CA10: variants seen among roughly 807,000 people sequenced by gnomAD.
CA10 encodes the protein carbonic anhydrase-related protein 10.
In CA10, 14 loss-of-function variants were observed where a neutral mutation model predicts 44.2. That is an observed-to-expected ratio of 0.32 (90% CI 0.21 to 0.50). CA10 has a LOEUF of 0.50. Ranked by LOEUF, CA10 falls within the 20% of genes least tolerant of loss-of-function variation. The probability of loss-of-function intolerance (pLI) is 0.99; values close to 1 mark genes in which losing one functional copy is unlikely to be tolerated. For synonymous variants in CA10, 159 were observed against 141.6 expected, an observed-to-expected ratio of 1.12 and a Z score of -0.87; for missense variants, 350 against 409.7, an observed-to-expected ratio of 0.85 and a Z score of 1.26.
intron 2 of CA10, among the ~76,000 whole-genome samples, chr17:52,033,460 A>G (rs1986526542): frequency 6.6e-6 from 1 of 152,178 alleles, no homozygotes; most frequent in Non-Finnish European, 1.5e-5. Flanking sequence ...AGAATAAAAA[A>G]GAACATTCAT....
intron 2 of CA10, among the ~76,000 whole-genome samples, chr17:51,980,296 T>C (rs1297859190): frequency 6.6e-6 from 1 of 152,198 alleles, no homozygotes; most frequent in Non-Finnish European, 1.5e-5. Context: ...GTTGATCTTT[T>C]ATTCACATGA....
In CA10 at chr17:52,023,847, G is replaced by A. The variant is rs75290742; in HGVS notation, c.136+48472C>T. 2.3e-3 allele frequency among the ~76,000 whole-genome samples: 344 copies of A among 152,116 alleles called. 13 individuals carry two copies. In the East Asian group the frequency reaches 0.058, roughly 26 times the overall value. Reference sequence around the variant, plus strand: ...GTGTTGAATGAAGTCTGCATTTTATGTCTTTTTCTTTAAAGGTTAAATGTC... The same window carrying A: ...GTGTTGAATGAAGTCTGCATTTTATATCTTTTTCTTTAAAGGTTAAATGTC... On this transcript the variant is annotated intron_variant, in intron 2 of 8. Transcript: ENST00000451037.
intron 2 of CA10, among the ~76,000 whole-genome samples, chr17:52,063,429 A>G (rs1409559959): frequency 6.6e-6 from 1 of 152,192 alleles, no homozygotes; most frequent in Non-Finnish European, 1.5e-5. Context: ...CAGTTTGAAT[A>G]TCTGACCCTT....
At chr17:52,118,540 T>C (rs543897808) in intron 1 of CA10, among the ~76,000 whole-genome samples, 1 of 152,254 alleles carries the variant, frequency 6.6e-6, no homozygotes, top group Non-Finnish European at 1.5e-5. Flanking sequence ...TTTTGGATGC[T>C]ACAGATGGCC....
At chr17:52,105,347 C>T (rs550548409) in intron 1 of CA10, among the ~76,000 whole-genome samples, 2 of 152,226 alleles carry the variant, frequency 1.3e-5, no homozygotes, top group South Asian at 2.1e-4. Flanking sequence ...CTCCGCCTCC[C>T]GGGTTCACAC....
At chr17:51,770,507 C>G (rs2143655519) in intron 3 of CA10, among the ~76,000 whole-genome samples, 1 of 152,128 alleles carries the variant, frequency 6.6e-6, no homozygotes, top group Non-Finnish European at 1.5e-5. Flanking sequence ...TCCTCTGTTT[C>G]CTATGTGCAA....
chr17:51,969,041 C>A (rs948348334), intron 2 of CA10, among the ~76,000 whole-genome samples: 16 of 151,892 alleles, frequency 1.1e-4, no homozygotes, highest in African/African-American at 3.9e-4. Flanking sequence ...TTTCTCTCCA[C>A]CGAGCTTTGA....
At chr17:52,063,919 T>G (rs1413573772) in intron 2 of CA10, among the ~76,000 whole-genome samples, 1 of 152,220 alleles carries the variant, frequency 6.6e-6, no homozygotes, top group Non-Finnish European at 1.5e-5. Context: ...TAATGGAATT[T>G]CACTTCCTTG....
chr17:52,044,399 G>A (rs1257296662), intron 2 of CA10, among the ~76,000 whole-genome samples: 1 of 152,064 alleles, frequency 6.6e-6, no homozygotes. Flanking sequence ...AACCTCCTGG[G>A]CTCAAGCAAT....
At chr17:52,051,111 GAAGAA>G (rs3062841) in intron 2 of CA10, among the ~76,000 whole-genome samples, 75 of 147,112 alleles carry the variant, frequency 5.1e-4, no homozygotes, top group African/African-American at 1.5e-3. Context: ...AAGGAAGGAA[GAAGAA>G]AAGAAAAGAA....
intron 4 of CA10, among the ~76,000 whole-genome samples, chr17:51,727,691 A>C (rs1916573147): frequency 1.3e-5 from 2 of 152,190 alleles, no homozygotes; most frequent in African/African-American, 4.8e-5. Flanking sequence ...TAAATGCTTC[A>C]TTAATTTTTT....
At chr17:51,646,495 G>T (rs1283830315) in intron 6 of CA10, among the ~76,000 whole-genome samples, 2 of 152,270 alleles carry the variant, frequency 1.3e-5, no homozygotes, top group East Asian at 3.9e-4. Context: ...AAATGGTGGG[G>T]TGGGGGGTTG....
At chr17:51,879,173 G>A (rs2143881591) in intron 3 of CA10, among the ~76,000 whole-genome samples, 1 of 151,814 alleles carries the variant, frequency 6.6e-6, no homozygotes, top group South Asian at 2.1e-4. Context: ...TATCACACTT[G>A]TGTAGCCATT....
intron 1 of CA10, among the ~76,000 whole-genome samples, chr17:52,086,412 G>C (rs1252630676): frequency 2.0e-5 from 3 of 152,096 alleles, no homozygotes; most frequent in African/African-American, 7.2e-5. Context: ...TGCTGTGTAG[G>C]TCAAGCCAGA....
intron 2 of CA10, among the ~76,000 whole-genome samples, chr17:51,965,921 A>C (rs1195441103): frequency 1.3e-5 from 2 of 151,952 alleles, no homozygotes; most frequent in African/African-American, 4.8e-5. Context: ...AAAGGAAGTA[A>C]AACTCTTTGT....
intron 3 of CA10, among the ~76,000 whole-genome samples, chr17:51,752,474 C>T (rs763279900): frequency 2.0e-5 from 3 of 151,874 alleles, no homozygotes. Flanking sequence ...GGTGTGATGT[C>T]CATTTTACCA....
intron 3 of CA10, among the ~76,000 whole-genome samples, chr17:51,867,111 C>T (rs553274412): frequency 9.9e-5 from 15 of 152,170 alleles, no homozygotes; most frequent in Non-Finnish European, 1.8e-4. Context: ...ATTGAGACTA[C>T]TGCCCATTTC....
chr17:52,116,310 C>T (rs1423603993), intron 1 of CA10, among the ~76,000 whole-genome samples: 1 of 152,104 alleles, frequency 6.6e-6, no homozygotes, highest in Non-Finnish European at 1.5e-5. Context: ...TTTTCTCTCC[C>T]TTGTTGGAGG....
At chr17:51,806,422 G>A (rs1907140285) in intron 3 of CA10, among the ~76,000 whole-genome samples, 1 of 152,132 alleles carries the variant, frequency 6.6e-6, no homozygotes, top group Non-Finnish European at 1.5e-5. Context: ...TTAATAATCT[G>A]TTTACATGTC....
Sources: allele counts gnomAD v4.1 joint callset (sites outside exome capture counted in the v4.1 genomes callset), GRCh38; gene constraint gnomAD v4.1.1; transcripts MANE v1.5; gene names NCBI Gene and HGNC (gene_info 2026-07-23, HGNC 2026-07-21).